The following MAGI2 variants were observed in gnomAD, a reference collection of about 807,000 sequenced individuals.
The protein encoded by MAGI2 is membrane associated guanylate kinase, WW and PDZ domain containing 2, also known as membrane-associated guanylate kinase, WW and PDZ domain-containing protein 2.
A neutral mutation model predicts 133.3 loss-of-function variants in MAGI2; 35 were observed. The ratio of observed to expected loss-of-function variants is 0.26; its 90% CI spans 0.20 to 0.35. The LOEUF is 0.35. Among genes scored for constraint, MAGI2 ranks in the 10% least tolerant of loss-of-function variants. The pLI, the probability that MAGI2 is intolerant of heterozygous loss-of-function variation, is 1.00. For synonymous variants in MAGI2, 729 were observed against 710.6 expected, an observed-to-expected ratio of 1.03 and a Z score of -0.41; for missense variants, 1,636 against 1,863.4, an observed-to-expected ratio of 0.88 and a Z score of 2.25.
chr7:78,616,602 A>T (rs150623905), intron 3 of MAGI2: 1 of 152,304 alleles, frequency 6.6e-6, no homozygotes, highest in African/African-American at 2.4e-5. Context: ...TGAGAGGGAA[A>T]CATGTGAGAG....
chr7:78,103,981 T>G (rs903349388), intron 20 of MAGI2, among the ~76,000 whole-genome samples: 1 of 152,206 alleles, frequency 6.6e-6, no homozygotes, highest in African/African-American at 2.4e-5. Context: ...CTCTCCATGA[T>G]TTGTGATATC....
In MAGI2 at chr7:78,117,251, T is replaced by A. The variant is rs138451027; in HGVS notation, c.3567+8443A>T. Among the ~76,000 whole-genome samples, 455 of 152,110 alleles carry A rather than the reference T, an allele frequency of 3.0e-3. 1 individual carries two copies. The highest frequency in any genetic ancestry group is 0.01 in the African/African-American group (427 of 41,506). ...ACTACAAGAAAATTATAGGCCAATC[T>A]TACTCAATAACATAGATATAAAAAT... On this transcript the variant is annotated intron_variant, in intron 20 of 21. Coordinates refer to ENST00000354212, the MANE Select transcript of MAGI2 (RefSeq NM_012301.4).
intron 1 of MAGI2, among the ~76,000 whole-genome samples, chr7:79,307,120 A>G (rs1837889863): frequency 6.6e-6 from 1 of 152,216 alleles, no homozygotes; most frequent in Non-Finnish European, 1.5e-5. Flanking sequence ...CAGGAGTGGT[A>G]GGGAACTTAC....
At chr7:78,578,762 A>G (rs905422617) in intron 3 of MAGI2, among the ~76,000 whole-genome samples, 6 of 152,134 alleles carry the variant, frequency 3.9e-5, no homozygotes, top group African/African-American at 1.4e-4. Context: ...TTGAATTGCT[A>G]ATGAGCTCAT....
chr7:79,020,815 G>A (rs552674865), intron 1 of MAGI2, among the ~76,000 whole-genome samples: 3 of 151,182 alleles, frequency 2.0e-5, no homozygotes, highest in African/African-American at 7.3e-5. Context: ...AATGTTAATC[G>A]CCAAGACAAT....
At chr7:79,089,556 A>G (rs1344798696) in intron 1 of MAGI2, among the ~76,000 whole-genome samples, 1 of 152,018 alleles carries the variant, frequency 6.6e-6, no homozygotes, top group Non-Finnish European at 1.5e-5. Flanking sequence ...AACCGACCCA[A>G]ATGTCCATCA....
chr7:78,985,712 G>A (rs1805194827), intron 2 of MAGI2, among the ~76,000 whole-genome samples: 1 of 152,008 alleles, frequency 6.6e-6, no homozygotes, highest in Non-Finnish European at 1.5e-5. Flanking sequence ...CCGTACACTG[G>A]AGTGGCTTTG....
At chr7:78,476,491 C>A (rs1791762983) in intron 6 of MAGI2, among the ~76,000 whole-genome samples, 1 of 151,956 alleles carries the variant, frequency 6.6e-6, no homozygotes, top group Admixed American at 6.6e-5. Flanking sequence ...CCAAGAATTA[C>A]AACTTAGTAG....
At chr7:78,423,625 G>A (rs1221255962) in intron 6 of MAGI2, among the ~76,000 whole-genome samples, 7 of 152,164 alleles carry the variant, frequency 4.6e-5, no homozygotes, top group Admixed American at 2.6e-4. Flanking sequence ...TTGTTGAATG[G>A]CTTTGACCAA....
At chr7:79,122,471 A>C (rs183199736) in intron 1 of MAGI2, among the ~76,000 whole-genome samples, 1 of 152,186 alleles carries the variant, frequency 6.6e-6, no homozygotes, top group South Asian at 2.1e-4. Context: ...AAATGTATTA[A>C]AAAGGAAATG....
At chr7:78,876,938 G>A (rs1563612602) in intron 2 of MAGI2, among the ~76,000 whole-genome samples, 1 of 151,198 alleles carries the variant, frequency 6.6e-6, no homozygotes, top group Non-Finnish European at 1.5e-5. Flanking sequence ...TATACTGTGG[G>A]TTATATTCCA....
intron 1 of MAGI2, among the ~76,000 whole-genome samples, chr7:79,167,807 G>A (rs927747404): frequency 6.6e-6 from 1 of 151,962 alleles, no homozygotes; most frequent in Non-Finnish European, 1.5e-5. Context: ...CCATAAACTG[G>A]CCCCAAAACT....
At chr7:79,077,194 A>G (rs1267545513) in intron 1 of MAGI2, among the ~76,000 whole-genome samples, 1 of 152,068 alleles carries the variant, frequency 6.6e-6, no homozygotes, top group Non-Finnish European at 1.5e-5. Context: ...TGTGGTTCCT[A>G]TTTCCTAGCC....
intron 1 of MAGI2, among the ~76,000 whole-genome samples, chr7:79,304,403 C>A (rs968242110): frequency 8.8e-5 from 12 of 136,886 alleles, no homozygotes; most frequent in Non-Finnish European, 1.6e-5. Flanking sequence ...CCTTATATTA[C>A]AGTTTTTTCT....
At chr7:78,316,744 G>T (rs1321924666) in intron 9 of MAGI2, among the ~76,000 whole-genome samples, 1 of 152,148 alleles carries the variant, frequency 6.6e-6, no homozygotes, top group Non-Finnish European at 1.5e-5. Context: ...AAGCACTTGA[G>T]AAGCACTTAA....
At chr7:79,286,914 G>A (rs1836048072) in intron 1 of MAGI2, among the ~76,000 whole-genome samples, 1 of 152,088 alleles carries the variant, frequency 6.6e-6, no homozygotes, top group Admixed American at 6.6e-5. Flanking sequence ...AGATTGCGTG[G>A]TGGTCAAGTC....
chr7:78,441,387 C>A (rs1787616162), intron 6 of MAGI2, among the ~76,000 whole-genome samples: 1 of 152,146 alleles, frequency 6.6e-6, no homozygotes, highest in African/African-American at 2.4e-5. Context: ...GTTACATTAT[C>A]AGAATAACTT....
chr7:78,176,950 C>CACAT (rs988630917), intron 14 of MAGI2, among the ~76,000 whole-genome samples: 1 of 147,248 alleles, frequency 6.8e-6, no homozygotes, highest in African/African-American at 2.5e-5. Flanking sequence ...CACACACACA[C>CACAT]ATATATAGTA....
chr7:78,511,196 A>C (rs2150556523), intron 4 of MAGI2, among the ~76,000 whole-genome samples: 1 of 152,274 alleles, frequency 6.6e-6, no homozygotes, highest in African/African-American at 2.4e-5. Flanking sequence ...CAAAAGAAAA[A>C]TATGATTGTG....
Sources: allele counts gnomAD v4.1 joint callset (sites outside exome capture counted in the v4.1 genomes callset), GRCh38; gene constraint gnomAD v4.1.1; transcripts MANE v1.5; gene names NCBI Gene and HGNC (gene_info 2026-07-23, HGNC 2026-07-21).